NSD3: variants seen among roughly 807,000 people sequenced by gnomAD.
The protein encoded by NSD3 is nuclear receptor binding SET domain protein 3.
Under a neutral mutation model 160.8 loss-of-function variants are expected in NSD3, and 24 were observed. The ratio of observed to expected loss-of-function variants is 0.15; its 90% CI spans 0.11 to 0.21. The LOEUF is 0.21. NSD3 is among the 10% of genes least tolerant of loss of function. The pLI is 1.00. For synonymous variants in NSD3, 520 were observed against 600.0 expected, an observed-to-expected ratio of 0.87 and a Z score of 1.95; for missense variants, 1,157 against 1,735.9, an observed-to-expected ratio of 0.67 and a Z score of 5.93.
At chr8:38,305,659 TA>T (rs1427779045) in intron 12 of NSD3, among the ~76,000 whole-genome samples, 1 of 152,182 alleles carries the variant, frequency 6.6e-6, no homozygotes, top group Non-Finnish European at 1.5e-5. Context: ...GACAGAATAC[TA>T]AAAACAATTT....
At chr8:38,367,477 C>T (rs937148597) in intron 1 of NSD3, among the ~76,000 whole-genome samples, 2 of 151,964 alleles carry the variant, frequency 1.3e-5, no homozygotes, top group East Asian at 1.9e-4. Flanking sequence ...TTTGGGAGGC[C>T]GAGGCAGGCA....
chr8:38,377,802 G>A (rs1181246945), intron 1 of NSD3, among the ~76,000 whole-genome samples: 1 of 152,026 alleles, frequency 6.6e-6, no homozygotes, highest in Non-Finnish European at 1.5e-5. Context: ...GCACGGTGGT[G>A]CATGCCTGTA....
At chr8:38,365,799 G>A (rs1303497208) in intron 1 of NSD3, among the ~76,000 whole-genome samples, 1 of 152,034 alleles carries the variant, frequency 6.6e-6, no homozygotes, top group African/African-American at 2.4e-5. Context: ...GTCATATAGA[G>A]AGGCTGGAAA....
intron 1 of NSD3, among the ~76,000 whole-genome samples, chr8:38,352,370 T>A (rs1810723753): frequency 6.7e-6 from 1 of 149,956 alleles, no homozygotes; most frequent in Admixed American, 6.6e-5. Context: ...TGGTGGGGGG[T>A]GGGAGGGATC....
intron 19 of NSD3, among the ~76,000 whole-genome samples, chr8:38,287,807 C>A (rs1808900135): frequency 6.6e-6 from 1 of 152,118 alleles, no homozygotes; most frequent in Non-Finnish European, 1.5e-5. Flanking sequence ...TGCCCGCTAC[C>A]ACGCCCGGCT....
rs1808916160 is a variant in NSD3 at position 38,288,420 on chromosome 8, C to T, written c.3501+67G>A. On this transcript the variant is annotated intron_variant, in intron 19 of 23. Transcript: ENST00000317025. This position sits in a 1 kb window ranked among gnomAD's most constrained non-coding sequence, Gnocchi z 4.5. ...GCTGATTTTATCCCTAGAACTATAC[C>T]CTACTGAAGCATTCCTGAAAAGCCA... 7 of 1,555,106 alleles carry T rather than the reference C, an allele frequency of 4.5e-6. No homozygotes were observed. The South Asian group carries it at 8.6e-5, about 19-fold the overall frequency.
chr8:38,299,895 T>A lies in NSD3; in HGVS notation c.2612-305A>T, dbSNP rs1809240980. ...GAAAACCCCTTAGGGAAAACAAAGC[T>A]ACACTGCTTCGTATTTGGATGTACA... On this transcript the variant is annotated intron_variant, in intron 14 of 23. Coordinates refer to ENST00000317025, the MANE Select transcript of NSD3 (RefSeq NM_023034.2). The A allele has an allele frequency of 1.3e-5, 3 of 230,478 alleles. No individual in the cohort carries two copies. The South Asian group carries it at 5.4e-4, about 41-fold the overall frequency. 14.3% of individuals were successfully genotyped at this position (230,478 alleles called of 1,614,324 possible). A position where few individuals can be genotyped will look rare whatever the true frequency, so the allele number is the denominator to read the frequency against.
chr8:38,308,576 T>C (rs974517945), intron 12 of NSD3, among the ~76,000 whole-genome samples: 3 of 152,130 alleles, frequency 2.0e-5, no homozygotes, highest in African/African-American at 7.2e-5. Context: ...CCCAGCCCTT[T>C]GGGAGGCCGA....
chr8:38,379,274 T>C (rs1054892126), intron 1 of NSD3, among the ~76,000 whole-genome samples: 2 of 151,804 alleles, frequency 1.3e-5, no homozygotes, highest in African/African-American at 4.8e-5. Flanking sequence ...GGATGCTGCA[T>C]ACATAAAAAT....
At position 38,283,813 on chromosome 8, in the gene NSD3, A is replaced by G. The variant is rs75461376; in HGVS notation, c.3502-2230T>C. ...ATAAGCTATGATATGGAATTCAGTT[A>G]GAAAAACAGGCCAGGTGTGGTGGCT... On this transcript the variant is annotated intron_variant, in intron 19 of 23. Transcript: ENST00000317025. 7.6e-3 allele frequency among the ~76,000 whole-genome samples: 1,153 copies of G among 152,294 alleles called. 15 individuals are homozygous for G. The highest frequency in any genetic ancestry group is 0.027 in the African/African-American group (1,106 of 41,562).
chr8:38,280,126 G>A (rs188316349), intron 20 of NSD3: 1 of 155,566 alleles, frequency 6.4e-6, no homozygotes, highest in Admixed American at 6.3e-5. Context: ...AGAAAAATGA[G>A]AAACAAAACT....
Position 38,316,750 on chromosome 8 carries a change from TG to T in NSD3, c.1856-709del, listed in dbSNP as rs1809675843. The T allele has an allele frequency of 9.5e-7, 1 of 1,058,030 alleles. No homozygotes were observed. The highest frequency in any genetic ancestry group is 5.2e-5 in the East Asian group (1 of 19,094). 65.5% of individuals were successfully genotyped at this position (1,058,030 alleles called of 1,614,324 possible). A position where few individuals can be genotyped will look rare whatever the true frequency, so the allele number is the denominator to read the frequency against. On this transcript the variant is annotated intron_variant, in intron 9 of 23. Coordinates refer to ENST00000317025, the MANE Select transcript of NSD3 (RefSeq NM_023034.2). The surrounding 1 kb of genome is among the most constrained non-coding windows in gnomAD (Gnocchi z 4.5). ...GTAGAGCTGGATGGGAAGGCCTCTA[TG>T]TGGAATTTGTGCGGGAAGAAATAAA...
intron 12 of NSD3, among the ~76,000 whole-genome samples, chr8:38,308,578 G>A (rs1809460001): frequency 6.6e-6 from 1 of 152,132 alleles, no homozygotes; most frequent in Admixed American, 6.5e-5. Context: ...CAGCCCTTTG[G>A]GAGGCCGAGG....
chr8:38,304,238 G>C (rs1809343347), intron 14 of NSD3, among the ~76,000 whole-genome samples: 1 of 152,172 alleles, frequency 6.6e-6, no homozygotes, highest in South Asian at 2.1e-4. Flanking sequence ...ATTATGAAAT[G>C]GGAAGGATCT....
intron 11 of NSD3, 128 bp downstream of exon 11, chr8:38,315,288 T>C (rs1809630478): frequency 8.6e-7 from 1 of 1,166,230 alleles, no homozygotes; most frequent in Non-Finnish European, 1.1e-6. Flanking sequence ...AGAGGTTTTA[T>C]ATCTGTAGCT....
At chr8:38,373,348 G>A (rs1176389571) in intron 1 of NSD3, among the ~76,000 whole-genome samples, 2 of 151,834 alleles carry the variant, frequency 1.3e-5, no homozygotes, top group African/African-American at 2.4e-5. Flanking sequence ...TCAGCCTCCC[G>A]AGTAGCTGGG....
chr8:38,358,979 A>C (rs1305952506), intron 1 of NSD3, among the ~76,000 whole-genome samples: 3 of 152,170 alleles, frequency 2.0e-5, no homozygotes, highest in Admixed American at 6.5e-5. Context: ...GGGTGAAACC[A>C]GAAACTCTAC....
At chr8:38,294,957 C>T (rs1330898254) in intron 16 of NSD3, among the ~76,000 whole-genome samples, 4 of 151,206 alleles carry the variant, frequency 2.6e-5, no homozygotes, top group African/African-American at 9.7e-5. Flanking sequence ...TCCTGCCTAA[C>T]ACAGTGAAAC....
At chr8:38,339,328 C>G (rs1403223258) in intron 2 of NSD3, among the ~76,000 whole-genome samples, 1 of 152,082 alleles carries the variant, frequency 6.6e-6, no homozygotes, top group Non-Finnish European at 1.5e-5. Context: ...CCTTGCAAAT[C>G]TACTTCTAAG....
Sources: gnomAD v4.1 joint callset for allele counts (sites outside exome capture counted in the v4.1 genomes callset) on GRCh38, gnomAD v4.1.1 for gene constraint, Gnocchi (gnomAD v3.1) non-coding constraint, MANE v1.5 for transcripts, NCBI Gene and HGNC (gene_info 2026-07-23, HGNC 2026-07-21) for gene names.